Variants in MED13L observed in about 807,000 individuals in gnomAD.
MED13L encodes mediator complex subunit 13L, also known as mediator of RNA polymerase II transcription subunit 13-like.
In MED13L, 7 loss-of-function variants were observed where a neutral mutation model predicts 220.9. The observed-to-expected ratio is 0.03, with a 90% CI of 0.02 to 0.06. The LOEUF is 0.06. Among genes scored for constraint, MED13L ranks in the 10% least tolerant of loss-of-function variants. The pLI, the probability that MED13L is intolerant of heterozygous loss-of-function variation, is 1.00. For missense variants in MED13L, 1,965 were observed against 2,760.5 expected, an observed-to-expected ratio of 0.71 and a Z score of 6.46; for synonymous variants, 1,011 against 1,015.2, an observed-to-expected ratio of 1.00 and a Z score of 0.08.
rs1030631106 is a variant in MED13L at position 115,968,088 on chromosome 12, A to T, written c.6225+852T>A. ...CCCCCGATGAAAACTGAAGTCCTTTATGTCCATCTTTGTGTCTAAATAAAT... is the reference window on the plus strand; with the variant it reads ...CCCCCGATGAAAACTGAAGTCCTTTTTGTCCATCTTTGTGTCTAAATAAAT... On this transcript the variant is annotated intron_variant, in intron 28 of 30. Coordinates refer to ENST00000281928, the MANE Select transcript of MED13L (RefSeq NM_015335.5). Among the ~76,000 whole-genome samples, 254 of 112,186 alleles carry T rather than the reference A, an allele frequency of 2.3e-3. 1 individual carries two copies. The highest frequency in any genetic ancestry group is 8.3e-3 in the African/African-American group (242 of 29,052). 73.6% of individuals were successfully genotyped at this position (112,186 alleles called of 152,430 possible). A position where few individuals can be genotyped will look rare whatever the true frequency, so the allele number is the denominator to read the frequency against.
At chr12:116,076,252 G>A (rs1454096332) in intron 4 of MED13L, among the ~76,000 whole-genome samples, 1 of 152,112 alleles carries the variant, frequency 6.6e-6, no homozygotes, top group East Asian at 1.9e-4. Context: ...GGCACTTAAT[G>A]GGGGCCAAGC....
chr12:116,128,049 G>C (rs1875745992), intron 2 of MED13L, among the ~76,000 whole-genome samples: 1 of 152,066 alleles, frequency 6.6e-6, no homozygotes, highest in African/African-American at 2.4e-5. Context: ...TTCCCTACCT[G>C]ACCCTCTAAT....
At chr12:116,041,677 T>C (rs966747333) in intron 4 of MED13L, among the ~76,000 whole-genome samples, 1 of 152,162 alleles carries the variant, frequency 6.6e-6, no homozygotes, top group Admixed American at 6.5e-5. Flanking sequence ...ACCCCGTCTC[T>C]ACCAAAAATT....
chr12:116,095,054 T>G (rs1872538976), intron 4 of MED13L, among the ~76,000 whole-genome samples: 1 of 152,000 alleles, frequency 6.6e-6, no homozygotes. Context: ...CCCAGCTACT[T>G]GGGAGGCTGA....
At chr12:115,969,558 TC>T (rs1403117688) in intron 27 of MED13L, among the ~76,000 whole-genome samples, 3 of 151,512 alleles carry the variant, frequency 2.0e-5, no homozygotes, top group Non-Finnish European at 2.9e-5. Context: ...CAAAAGCAAA[TC>T]AAAGCACAAT....
rs1879960776 is a variant in MED13L at position 116,019,984 on chromosome 12, A to G, written c.626-12T>C. 1.2e-6 allele frequency: 2 copies of G among 1,607,402 alleles called. No homozygotes were observed. The highest frequency in any genetic ancestry group is 2.7e-5 in the African/African-American group (2 of 74,694). ...AGGACTTACCAGTACTATGGAGGGG[A>G]GGAGAAATACATGCTAAACATTAGA... On this transcript the variant is annotated splice_polypyrimidine_tract_variant and intron_variant, in intron 5 of 30. Transcript: ENST00000281928.
chr12:116,239,373 A>C (rs1322280233), intron 1 of MED13L, among the ~76,000 whole-genome samples: 1 of 152,192 alleles, frequency 6.6e-6, no homozygotes, highest in Non-Finnish European at 1.5e-5. Context: ...CAGAAGTAAT[A>C]CACCATAATC....
At position 115,961,108 on chromosome 12, in the gene MED13L, C is replaced by T. The variant is rs954674518; in HGVS notation, c.*158G>A. 1.4e-4 allele frequency: 132 copies of T among 967,698 alleles called. No homozygotes were observed. The highest frequency in any genetic ancestry group is 2.1e-5 in the Non-Finnish European group (13 of 629,400). The allele number at this position is 967,698 out of a possible 1,614,324, so 59.9% of individuals were successfully genotyped here. On this transcript the variant is annotated 3_prime_UTR_variant, in exon 31 of 31. Transcript: ENST00000281928. Reference sequence around the variant, plus strand: ...GGAGTCACTCTGGTAATGAACACTGCAGAATTGACATGTGCCTGCTGAGAA... The same window carrying T: ...GGAGTCACTCTGGTAATGAACACTGTAGAATTGACATGTGCCTGCTGAGAA...
At chr12:116,037,373 C>A (rs928843632) in intron 4 of MED13L, among the ~76,000 whole-genome samples, 2 of 152,084 alleles carry the variant, frequency 1.3e-5, no homozygotes, top group African/African-American at 4.8e-5. Flanking sequence ...ATAAAATAAC[C>A]TTCAGGCTGT....
At position 115,975,637 on chromosome 12, in the gene MED13L, T is replaced by C. The variant is rs139348045; in HGVS notation, c.5466A>G (p.Lys1822=). Residue 1822 remains lysine (K), a synonymous_variant, in exon 24 of 31, where the codon AAA becomes AAG. Transcript: ENST00000281928. ...LGETFGEASQ[K]YNVLFVGYCL... ...AATAGCCCACGAAGAGCACATTGTA[T>C]TTCTGGCTCGCCTCACCAAACGTCT... 1.2e-5 allele frequency: 20 copies of C among 1,614,022 alleles called. No individual in the cohort carries two copies. Among genetic ancestry groups the C allele is most frequent in the Non-Finnish European group, 1.6e-5 (19 of 1,180,018 alleles).
chr12:116,211,612 A>T (rs762499232), intron 2 of MED13L, among the ~76,000 whole-genome samples: 6 of 152,230 alleles, frequency 3.9e-5, no homozygotes, highest in Non-Finnish European at 5.9e-5. Context: ...GGGCAGCTGA[A>T]TTTGGGAGTC....
Position 116,277,665 on chromosome 12 carries a change from T to C in MED13L, c.-534A>G, listed in dbSNP as rs993886437. On this transcript the variant is annotated 5_prime_UTR_variant, in exon 1 of 31. Coordinates refer to ENST00000281928, the MANE Select transcript of MED13L (RefSeq NM_015335.5). Reference sequence around the variant, plus strand: ...CCCAGTCAGCCTCGCTTCTCCTCCCTCCCCGGGCTCGCTTGCTCTGACAGC... The same window carrying C: ...CCCAGTCAGCCTCGCTTCTCCTCCCCCCCCGGGCTCGCTTGCTCTGACAGC... 6.8e-6 allele frequency among the ~76,000 whole-genome samples: 1 copy of C among 147,270 alleles called. No homozygotes were observed. The highest frequency in any genetic ancestry group is 1.5e-5 in the Non-Finnish European group (1 of 66,416).
Position 115,982,606 on chromosome 12 carries a change from G to GGA in MED13L, c.4956-5_4956-4dup. ...CTATTCTCTCCCTTTCTGTAACACT[G>GGA]GAGAGAGAGTCACTTGTGAGATGCA... On this transcript the variant is annotated splice_region_variant and splice_polypyrimidine_tract_variant and intron_variant, in intron 21 of 30. Coordinates refer to ENST00000281928, the MANE Select transcript of MED13L (RefSeq NM_015335.5). 1 of 1,608,360 alleles carries GGA rather than the reference G, an allele frequency of 6.2e-7. No individual in the cohort carries two copies.
intron 2 of MED13L, among the ~76,000 whole-genome samples, chr12:116,201,185 CT>C: frequency 6.6e-6 from 1 of 152,284 alleles, no homozygotes; most frequent in Non-Finnish European, 1.5e-5. Flanking sequence ...CAAGTCTTAA[CT>C]TTCTTTAAAG....
At chr12:116,087,781 A>G (rs779227120) in intron 4 of MED13L, among the ~76,000 whole-genome samples, 1 of 152,216 alleles carries the variant, frequency 6.6e-6, no homozygotes, top group Non-Finnish European at 1.5e-5. Flanking sequence ...AAACATTTGT[A>G]TAGAGCACTA....
Position 116,096,767 on chromosome 12 carries a change from T to A in MED13L, c.396-15A>T. The A allele has an allele frequency of 6.3e-7, 1 of 1,592,212 alleles. No homozygotes were observed. Among genetic ancestry groups the A allele is most frequent in the Non-Finnish European group, 8.6e-7 (1 of 1,160,216 alleles). On this transcript the variant is annotated splice_polypyrimidine_tract_variant and intron_variant, in intron 3 of 30. Coordinates refer to ENST00000281928, the MANE Select transcript of MED13L (RefSeq NM_015335.5). ...CCATTAGGCACCTAAAATAATTACATCAAGAATTACTTTTATAGTATCAGT... is the reference window on the plus strand; with the variant it reads ...CCATTAGGCACCTAAAATAATTACAACAAGAATTACTTTTATAGTATCAGT...
intron 2 of MED13L, among the ~76,000 whole-genome samples, chr12:116,160,771 TG>T (rs1488042641): frequency 1.1e-4 from 16 of 150,618 alleles, no homozygotes; most frequent in Non-Finnish European, 1.8e-4. Flanking sequence ...TTTTTTTTTT[TG>T]TAGAGACAGG....
At chr12:116,120,471 TCTCTCTCACACACACACACACACACA>T (rs60449223) in intron 2 of MED13L, among the ~76,000 whole-genome samples, 2,094 of 114,354 alleles carry the variant, frequency 0.018, 12 homozygotes, top group Middle Eastern at 0.036. Flanking sequence ...TCTCTCTCTC[TCTCTCTCACACACACACACACACACA>T]CACACACACA....
At chr12:116,081,091 A>T (rs1043962593) in intron 4 of MED13L, among the ~76,000 whole-genome samples, 5 of 152,208 alleles carry the variant, frequency 3.3e-5, no homozygotes, top group African/African-American at 1.2e-4. Context: ...TAGTAGAAAC[A>T]GTTTCTGTCC....
Sources: gnomAD v4.1 joint callset for allele counts (sites outside exome capture counted in the v4.1 genomes callset) on GRCh38, gnomAD v4.1.1 for gene constraint, MANE v1.5 for transcripts, NCBI Gene and HGNC (gene_info 2026-07-23, HGNC 2026-07-21) for gene names.